The following PCDHGA11 variants were observed in gnomAD, a reference collection of about 807,000 sequenced individuals.
The protein encoded by PCDHGA11 is protocadherin gamma-A11.
In PCDHGA11, 39 loss-of-function variants were observed where a neutral mutation model predicts 60.4. That is an observed-to-expected ratio of 0.65 (90% CI 0.50 to 0.84). The LOEUF (loss-of-function observed/expected upper bound fraction) is 0.84, where lower values mean the gene tolerates loss of function less well. Among genes scored for constraint, PCDHGA11 ranks in the 40% least tolerant of loss-of-function variants. The pLI, the probability that PCDHGA11 is intolerant of heterozygous loss-of-function variation, is 0.00. For synonymous variants in PCDHGA11, 533 were observed against 510.3 expected, an observed-to-expected ratio of 1.04 and a Z score of -0.60; for missense variants, 1,165 against 1,197.7, an observed-to-expected ratio of 0.97 and a Z score of 0.40.
In PCDHGA11 at chr5:141,489,844, C is replaced by G. The variant is rs1004902910; in HGVS notation, c.2434-4963C>G. Reference sequence around the variant, plus strand: ...GCTGGTGCTAGAGCAGCAGCTGGATCGTGAAGCCCAGGCAAGACATCAGCT... The same window carrying G: ...GCTGGTGCTAGAGCAGCAGCTGGATGGTGAAGCCCAGGCAAGACATCAGCT... On this transcript the variant is annotated intron_variant, in intron 1 of 3. Coordinates refer to ENST00000398587, the MANE Select transcript of PCDHGA11 (RefSeq NM_018914.3). The surrounding 1 kb of genome is among the most constrained non-coding windows in gnomAD (Gnocchi z 4.5). The G allele has an allele frequency of 1.2e-6, 2 of 1,614,030 alleles. No individual in the cohort carries two copies. Among genetic ancestry groups the G allele is most frequent in the Non-Finnish European group, 8.5e-7 (1 of 1,179,990 alleles).
intron 1 of PCDHGA11, among the ~76,000 whole-genome samples, chr5:141,454,250 C>T (rs1453631901): frequency 6.6e-6 from 1 of 151,974 alleles, no homozygotes; most frequent in African/African-American, 2.4e-5. Context: ...TGAAGATGTC[C>T]CAGAGAAAGT....
chr5:141,439,556 C>A (rs543620281), intron 1 of PCDHGA11, among the ~76,000 whole-genome samples: 1 of 152,268 alleles, frequency 6.6e-6, no homozygotes, highest in East Asian at 1.9e-4. Context: ...CTTCAGGCTG[C>A]AGTTCTAGAG....
chr5:141,472,980 C>CAAAAAAAAAAAAAAAAAGAAAAAAAA (rs2099309731), intron 1 of PCDHGA11, among the ~76,000 whole-genome samples: 1 of 86,100 alleles, frequency 1.2e-5, no homozygotes, highest in African/African-American at 3.9e-5. Flanking sequence ...GAGTGAAACT[C>CAAAAAAAAAAAAAAAAAGAAAAAAAA]AAAAAAAAAA....
At chr5:141,450,815 A>ATAT (rs1420984335) in intron 1 of PCDHGA11, among the ~76,000 whole-genome samples, 2,245 of 126,710 alleles carry the variant, frequency 0.018, 73 homozygotes, top group African/African-American at 0.063. Flanking sequence ...TATTTATTTA[A>ATAT]TATTATTATT....
intron 1 of PCDHGA11, chr5:141,427,812 G>T: frequency 6.6e-7 from 1 of 1,524,404 alleles, no homozygotes; most frequent in Non-Finnish European, 9.0e-7. Flanking sequence ...CGCACAGAGC[G>T]GGGTGGTGGT....
At chr5:141,495,419 C>A (rs1434107823) in intron 2 of PCDHGA11, among the ~76,000 whole-genome samples, 1 of 152,228 alleles carries the variant, frequency 6.6e-6, no homozygotes, top group Non-Finnish European at 1.5e-5. Context: ...CCGGCCCCTC[C>A]TCCCACTGTC....
chr5:141,496,513 G>A (rs1364297990), intron 2 of PCDHGA11, among the ~76,000 whole-genome samples: 1 of 152,140 alleles, frequency 6.6e-6, no homozygotes, highest in Non-Finnish European at 1.5e-5. Context: ...CAAGGACCCA[G>A]GAGCCCTTGG....
In PCDHGA11 at chr5:141,422,926, GC is replaced by G; in HGVS notation, c.1702del (p.Leu568SerfsTer22). ...CAATGCGCCCGAGATCCTGTACCCTGCCCTCCCCACAGACGGCTCCACTGGC... is the reference window on the plus strand; with the variant it reads ...CAATGCGCCCGAGATCCTGTACCCTGCCTCCCCACAGACGGCTCCACTGGC... ...NDNAPEILYP[A>X]LPTDGSTGVE... On this transcript the variant is annotated frameshift_variant, in exon 1 of 4. Transcript: ENST00000398587. LOFTEE classifies it high-confidence loss of function. 1 of 1,614,230 alleles carries G rather than the reference GC, an allele frequency of 6.2e-7. No homozygotes were observed. Among genetic ancestry groups the G allele is most frequent in the Non-Finnish European group, 8.5e-7 (1 of 1,180,050 alleles).
chr5:141,462,911 T>C (rs1263378930), intron 1 of PCDHGA11, among the ~76,000 whole-genome samples: 1 of 152,248 alleles, frequency 6.6e-6, no homozygotes, highest in Non-Finnish European at 1.5e-5. Flanking sequence ...ATTATGTTTT[T>C]TGCAGATCAG....
intron 1 of PCDHGA11, chr5:141,440,169 C>A (rs891186588): frequency 1.3e-5 from 2 of 152,218 alleles, no homozygotes; most frequent in Non-Finnish European, 2.9e-5. Flanking sequence ...TGGGCCATAA[C>A]GCTTTGAAAT....
chr5:141,432,717 C>T lies in PCDHGA11; in HGVS notation c.2433+9057C>T. On this transcript the variant is annotated intron_variant, in intron 1 of 3. Transcript: ENST00000398587. The surrounding 1 kb of genome is among the most constrained non-coding windows in gnomAD (Gnocchi z 6.0). ...GCCGTCCAGGACCACGGCCAGCCCC[C>T]TCTCTCCGCCACTGTCACGCTCACC... 1 of 1,614,030 alleles carries T rather than the reference C, an allele frequency of 6.2e-7. No individual in the cohort carries two copies. Among genetic ancestry groups the T allele is most frequent in the Non-Finnish European group, 8.5e-7 (1 of 1,179,978 alleles).
Position 141,490,066 on chromosome 5 carries a change from C to G in PCDHGA11, c.2434-4741C>G. ...TGATCCAGACGAGGGCACCAACGGC[C>G]AACTAGACTATTCTTTTGGAGACCA... On this transcript the variant is annotated intron_variant, in intron 1 of 3. Coordinates refer to ENST00000398587, the MANE Select transcript of PCDHGA11 (RefSeq NM_018914.3). The surrounding 1 kb of genome is among the most constrained non-coding windows in gnomAD (Gnocchi z 5.4). The G allele has an allele frequency of 1.2e-6, 2 of 1,614,248 alleles. No individual in the cohort carries two copies. Among genetic ancestry groups the G allele is most frequent in the Non-Finnish European group, 1.7e-6 (2 of 1,180,034 alleles).
chr5:141,454,351 C>T (rs1406631649), intron 1 of PCDHGA11, among the ~76,000 whole-genome samples: 2 of 152,152 alleles, frequency 1.3e-5, no homozygotes, highest in Non-Finnish European at 2.9e-5. Flanking sequence ...GAAGTTGATC[C>T]AAACTTAGAA....
Position 141,512,738 on chromosome 5 carries a change from C to A in PCDHGA11, c.*1565C>A, listed in dbSNP as rs1350606944. 2 of 152,840 alleles carry A rather than the reference C, an allele frequency of 1.3e-5. No individual in the cohort carries two copies. The highest frequency in any genetic ancestry group is 2.1e-4 in the South Asian group (1 of 4,838). The allele number at this position is 152,840 out of a possible 1,614,324, so 9.5% of individuals were successfully genotyped here. A position where few individuals can be genotyped will look rare whatever the true frequency, so the allele number is the denominator to read the frequency against. On this transcript the variant is annotated 3_prime_UTR_variant, in exon 4 of 4. Transcript: ENST00000398587. ...TGGCGGGTGGGCAGCGGGCGGCGGG[C>A]TCCGCGCAGCCGTCTGTCCTTGATC...
intron 1 of PCDHGA11, chr5:141,427,690 T>TC (rs1331581287): frequency 2.3e-6 from 2 of 881,240 alleles, no homozygotes; most frequent in Non-Finnish European, 3.7e-6. Context: ...GGAGCCTCCA[T>TC]CCCACAAGTC....
chr5:141,421,965 C>T lies in PCDHGA11; in HGVS notation c.738C>T (p.Ser246=), dbSNP rs775450008. The stretch of plus-strand genomic sequence containing the variant: ...ATCACATCCCAATGTTTACACAGTC[C>T]GTATATCGCGTGAGTGTTCCAGAAA... ...VNDHIPMFTQ[S]VYRVSVPENI... Residue 246 remains serine (S), a synonymous_variant, in exon 1 of 4, where the codon TCC becomes TCT. Transcript: ENST00000398587. The T allele has an allele frequency of 1.9e-6, 3 of 1,610,242 alleles. No individual in the cohort carries two copies. The highest frequency in any genetic ancestry group is 2.5e-6 in the Non-Finnish European group (3 of 1,178,266).
intron 1 of PCDHGA11, among the ~76,000 whole-genome samples, chr5:141,452,476 C>T (rs968627914): frequency 6.6e-6 from 1 of 152,216 alleles, no homozygotes; most frequent in Admixed American, 6.5e-5. Context: ...AGGAAAAACA[C>T]ACATAAACAC....
intron 2 of PCDHGA11, among the ~76,000 whole-genome samples, chr5:141,498,747 C>T (rs1363145286): frequency 6.6e-6 from 1 of 152,106 alleles, no homozygotes; most frequent in Non-Finnish European, 1.5e-5. Context: ...GCCTGGCCAA[C>T]ATGATGAAAC....
chr5:141,485,387 C>T lies in PCDHGA11; in HGVS notation c.2434-9420C>T. The T allele has an allele frequency of 6.2e-7, 1 of 1,614,078 alleles. No homozygotes were observed. Among genetic ancestry groups the T allele is most frequent in the Non-Finnish European group, 8.5e-7 (1 of 1,179,994 alleles). On this transcript the variant is annotated intron_variant, in intron 1 of 3. Coordinates refer to ENST00000398587, the MANE Select transcript of PCDHGA11 (RefSeq NM_018914.3). This position sits in a 1 kb window ranked among gnomAD's most constrained non-coding sequence, Gnocchi z 5.7. ...GCTGCAGGTCGCTGGAGAGGTGAAC[C>T]AAAGACACTTCCGTGTGGATTTGGA...
Sources: gnomAD v4.1 joint callset for allele counts (sites outside exome capture counted in the v4.1 genomes callset) on GRCh38, gnomAD v4.1.1 for gene constraint, Gnocchi (gnomAD v3.1) non-coding constraint, MANE v1.5 for transcripts, NCBI Gene and HGNC (gene_info 2026-07-23, HGNC 2026-07-21) for gene names.